The following PLEKHA5 variants were observed in gnomAD, a reference collection of about 807,000 sequenced individuals.
PLEKHA5 encodes the protein pleckstrin homology domain-containing family A member 5.
Under a neutral mutation model 181.9 loss-of-function variants are expected in PLEKHA5, and 55 were observed. The observed-to-expected ratio is 0.30, with a 90% CI of 0.24 to 0.38. The LOEUF (loss-of-function observed/expected upper bound fraction) is 0.38. Ranked by LOEUF, PLEKHA5 falls within the 10% of genes least tolerant of loss-of-function variation. PLEKHA5 has a pLI of 1.00. For synonymous variants in PLEKHA5, 535 were observed against 529.4 expected, an observed-to-expected ratio of 1.01 and a Z score of -0.15; for missense variants, 1,432 against 1,549.5, an observed-to-expected ratio of 0.92 and a Z score of 1.27.
At chr12:19,322,130 A>G (rs534311402) in intron 18 of PLEKHA5, among the ~76,000 whole-genome samples, 180 bp from the exon 19 acceptor site, 5 of 152,332 alleles carry the variant, frequency 3.3e-5, no homozygotes, top group African/African-American at 9.6e-5. Flanking sequence ...CACTTAACCT[A>G]TTTAGCAGAT....
In PLEKHA5 at chr12:19,283,354, G is replaced by T. The variant is rs753981699; in HGVS notation, c.1388G>T (p.Gly463Val). The change falls in exon 12 of 32, where the codon GGT (glycine) becomes GTT (valine). Residue 463 changes from glycine (G) to valine (V), a missense_variant. Gly to Val is a moderately radical substitution (Grantham distance 109). Transcript: ENST00000429027. ...RAQIMARYPE[G>V]YRTLPRNSKT... ...CAGATTATGGCCCGCTACCCTGAAG[G>T]TTATAGAACACTCCCAAGAAACAGC... The T allele has an allele frequency of 6.2e-7, 1 of 1,613,764 alleles. No individual in the cohort carries two copies. Among genetic ancestry groups the T allele is most frequent in the African/African-American group, 1.3e-5 (1 of 74,842 alleles).
intron 16 of PLEKHA5, among the ~76,000 whole-genome samples, chr12:19,316,146 T>C (rs1245209622): frequency 6.6e-6 from 1 of 152,002 alleles, no homozygotes; most frequent in South Asian, 2.1e-4. Context: ...CCTTCTGCAG[T>C]GTCTGAAGCT....
chr12:19,373,189 G>A (rs1565680218), intron 31 of PLEKHA5: 1 of 152,118 alleles, frequency 6.6e-6, no homozygotes, highest in Non-Finnish European at 1.5e-5. Context: ...GGACCAGCCT[G>A]GCCAACATGG....
intron 16 of PLEKHA5, 57 bp downstream of exon 16, chr12:19,314,951 C>G: frequency 1.1e-6 from 1 of 871,152 alleles, no homozygotes; most frequent in East Asian, 2.6e-5. Context: ...CCCTCAGTGA[C>G]AGTTTTGATT....
chr12:19,181,669 G>C (rs1265020905), intron 3 of PLEKHA5, among the ~76,000 whole-genome samples: 1 of 152,040 alleles, frequency 6.6e-6, no homozygotes, highest in African/African-American at 2.4e-5. Flanking sequence ...CCAGCTGCTC[G>C]GGAGGCTGAG....
chr12:19,299,538 C>T (rs1002829698), intron 15 of PLEKHA5, among the ~76,000 whole-genome samples: 1 of 152,322 alleles, frequency 6.6e-6, no homozygotes, highest in Non-Finnish European at 1.5e-5. Context: ...GATTTCGTCA[C>T]GTATCCCGTT....
chr12:19,350,021 A>T (rs868192983), intron 25 of PLEKHA5, among the ~76,000 whole-genome samples: 2 of 152,160 alleles, frequency 1.3e-5, no homozygotes, highest in African/African-American at 4.8e-5. Flanking sequence ...CTGAGACAGG[A>T]GAATCACTTG....
At chr12:19,366,382 G>A (rs1006525048) in intron 30 of PLEKHA5, among the ~76,000 whole-genome samples, 1 of 152,104 alleles carries the variant, frequency 6.6e-6, no homozygotes, top group Non-Finnish European at 1.5e-5. Flanking sequence ...TTGGCCGGGT[G>A]CGGTGGCTCA....
intron 21 of PLEKHA5, among the ~76,000 whole-genome samples, chr12:19,338,483 TGTGGTC>T: frequency 6.6e-6 from 1 of 151,988 alleles, no homozygotes; most frequent in African/African-American, 2.4e-5. Context: ...GCTGGGCACT[TGTGGTC>T]CCAGCTACTT....
intron 3 of PLEKHA5, among the ~76,000 whole-genome samples, chr12:19,169,634 A>T (rs1276023183): frequency 6.6e-6 from 1 of 152,228 alleles, no homozygotes; most frequent in African/African-American, 2.4e-5. Context: ...GAAATATGTG[A>T]TTGGAAGAAC....
Position 19,346,352 on chromosome 12 carries a change from T to C in PLEKHA5, c.2709+464T>C, listed in dbSNP as rs151044038. ...ACTTTTTTTTTTCCTCTCTTAAAAA[T>C]TGGGGGGCCAGGTGCAGTGGCTCAT... On this transcript the variant is annotated intron_variant, in intron 23 of 31. Coordinates refer to ENST00000429027, the MANE Select transcript of PLEKHA5 (RefSeq NM_001256470.2). Among the ~76,000 whole-genome samples the C allele has an allele frequency of 1.2e-3, 188 of 152,100 alleles. 1 individual carries two copies. Among genetic ancestry groups the C allele is most frequent in the African/African-American group, 4.2e-3 (174 of 41,490 alleles).
intron 30 of PLEKHA5, among the ~76,000 whole-genome samples, chr12:19,368,236 A>G (rs1272674739): frequency 6.6e-6 from 1 of 152,156 alleles, no homozygotes; most frequent in African/African-American, 2.4e-5. Flanking sequence ...CACGCCTATA[A>G]TCTCAGCACT....
At chr12:19,275,627 A>G (rs867069011) in intron 11 of PLEKHA5, among the ~76,000 whole-genome samples, 2 of 152,126 alleles carry the variant, frequency 1.3e-5, no homozygotes, top group East Asian at 1.9e-4. Flanking sequence ...TTAGCCAAGC[A>G]TAGTGGTGCA....
chr12:19,200,192 C>G, intron 3 of PLEKHA5: 1 of 622,026 alleles, frequency 1.6e-6, no homozygotes, highest in East Asian at 2.8e-5. Context: ...CTCAAATAAC[C>G]TAACTTGATC....
intron 12 of PLEKHA5, 151 bp from the exon 13 acceptor site, chr12:19,287,322 T>C: frequency 1.5e-6 from 1 of 663,216 alleles, no homozygotes; most frequent in East Asian, 2.7e-5. Context: ...GTATTTTATG[T>C]CAAGAAATGT....
At chr12:19,224,999 T>C (rs2059494806) in intron 3 of PLEKHA5, among the ~76,000 whole-genome samples, 1 of 152,046 alleles carries the variant, frequency 6.6e-6, no homozygotes. Flanking sequence ...CTCATCGCCA[T>C]AAAAAGGGGA....
intron 20 of PLEKHA5, among the ~76,000 whole-genome samples, chr12:19,328,130 T>C (rs760700747): frequency 3.3e-5 from 5 of 152,188 alleles, no homozygotes; most frequent in African/African-American, 4.8e-5. Context: ...TGATCAAATA[T>C]CAGATGGCCA....
At chr12:19,162,124 C>T (rs946133229) in intron 3 of PLEKHA5, among the ~76,000 whole-genome samples, 1 of 152,070 alleles carries the variant, frequency 6.6e-6, no homozygotes, top group Non-Finnish European at 1.5e-5. Flanking sequence ...AATTTATTTT[C>T]TACCCAACTT....
chr12:19,167,786 AAGG>A (rs1485951323), intron 3 of PLEKHA5, among the ~76,000 whole-genome samples: 3 of 152,078 alleles, frequency 2.0e-5, no homozygotes, highest in Admixed American at 6.5e-5. Context: ...CAGCTTGGTG[AAGG>A]AGAAGAATGC....
Sources: allele counts gnomAD v4.1 joint callset (sites outside exome capture counted in the v4.1 genomes callset), GRCh38; gene constraint gnomAD v4.1.1; transcripts MANE v1.5; gene names NCBI Gene and HGNC (gene_info 2026-07-23, HGNC 2026-07-21).